IL17B: variants seen among roughly 807,000 people sequenced by gnomAD.
The protein encoded by IL17B is interleukin-17B.
IL17B carries 14 observed loss-of-function variants against 14.7 expected under a neutral mutation model. The observed-to-expected ratio is 0.95, with a 90% CI of 0.63 to 1.49. The LOEUF is 1.49. IL17B is among the 40% of genes most tolerant of loss of function. The pLI is 0.00. For synonymous variants in IL17B, 105 were observed against 94.8 expected (o/e 1.11, Z -0.62); for missense variants, 233 against 252.8 (o/e 0.92, Z 0.53).
intron 1 of IL17B, among the ~76,000 whole-genome samples, chr5:149,396,166 C>T (rs10072615): frequency 0.36 from 54,266 of 152,090 alleles, 10,071 homozygotes; most frequent in African/African-American, 0.45. Context: ...CCAAATCTGT[C>T]AGTATGGTTT....
At chr5:149,385,226 A>G (rs1190389183) in intron 1 of IL17B, among the ~76,000 whole-genome samples, 1 of 151,926 alleles carries the variant, frequency 6.6e-6, no homozygotes, top group African/African-American at 2.4e-5. Flanking sequence ...GTGGTGGCGC[A>G]TGCCTGTAAT....
chr5:149,379,098 G>T, intron 1 of IL17B, 107 bp downstream of exon 1: 1 of 1,381,206 alleles, frequency 7.2e-7, no homozygotes, highest in Non-Finnish European at 1.0e-6. Flanking sequence ...AGTTGCCTCT[G>T]CAGATTCTAA....
Position 149,374,313 on chromosome 5 carries a change from C to CAA in IL17B, c.*54_*55dup. 1 of 1,454,676 alleles carries CAA rather than the reference C, an allele frequency of 6.9e-7. No individual in the cohort carries two copies. The highest frequency in any genetic ancestry group is 9.2e-7 in the Non-Finnish European group (1 of 1,091,464). 90.1% of individuals were successfully genotyped at this position (1,454,676 alleles called of 1,614,324 possible). A position where few individuals can be genotyped will look rare whatever the true frequency, so the allele number is the denominator to read the frequency against. ...TACTTTTCATAGGCCTTTCTTGGCA[C>CAA]AAAGGTGCAAGGAGGATGGTCTCGG... is the stretch of plus-strand genomic sequence containing the variant. On this transcript the variant is annotated 3_prime_UTR_variant, in exon 3 of 3. Coordinates refer to ENST00000261796, the MANE Select transcript of IL17B (RefSeq NM_014443.3). This position sits in a 1 kb window ranked among gnomAD's most constrained non-coding sequence, Gnocchi z 5.0.
At chr5:149,396,856 G>A (rs1257213689) in intron 1 of IL17B, among the ~76,000 whole-genome samples, 2 of 152,174 alleles carry the variant, frequency 1.3e-5, no homozygotes, top group Non-Finnish European at 2.9e-5. Context: ...AAGTGCCTTT[G>A]GTTCAGAAGG....
At chr5:149,400,207 T>C (rs1419278174) in intron 1 of IL17B, among the ~76,000 whole-genome samples, 1 of 152,024 alleles carries the variant, frequency 6.6e-6, no homozygotes, top group Non-Finnish European at 1.5e-5. Flanking sequence ...CAATATGACT[T>C]ATAAAAAGAG....
chr5:149,374,412 G>A lies in IL17B; in HGVS notation c.500C>T (p.Ala167Val). The change falls in exon 3 of 3, where the codon GCA becomes GTA. Residue 167 changes from alanine to valine, a missense_variant. By Grantham distance (64) the Ala-to-Val change is moderately conservative. Transcript: ENST00000261796. This position sits in a 1 kb window ranked among gnomAD's most constrained non-coding sequence, Gnocchi z 5.0. ...PPRTGPCRQR[A>V]VMETIAVGCT... ...GCCCACAGCGATGGTCTCCATGACT[G>A]CGCGCTGGCGGCAAGGCCCTGTGCG... The A allele has an allele frequency of 4.4e-6, 7 of 1,602,824 alleles. No individual in the cohort carries two copies. Among genetic ancestry groups the A allele is most frequent in the Non-Finnish European group, 5.9e-6 (7 of 1,177,180 alleles).
At chr5:149,394,587 A>G (rs552232032) in intron 1 of IL17B, among the ~76,000 whole-genome samples, 17 of 152,368 alleles carry the variant, frequency 1.1e-4, no homozygotes, top group African/African-American at 3.6e-4. Context: ...ACATAATTCC[A>G]GTATTGGAAA....
At position 149,394,008 on chromosome 5, in the gene IL17B, T is replaced by C. The variant is rs138187482; in HGVS notation, n.95+10100A>G. Among the ~76,000 whole-genome samples the C allele has an allele frequency of 2.2e-3, 334 of 152,310 alleles. 1 individual carries two copies. Among genetic ancestry groups the C allele is most frequent in the Admixed American group, 3.8e-3 (58 of 15,298 alleles). Reference sequence around the variant, plus strand: ...GAATTCTGAAAAAATCATTTTAAAATTCGTTAAAAGACATTTATTTATAGA... The same window carrying C: ...GAATTCTGAAAAAATCATTTTAAAACTCGTTAAAAGACATTTATTTATAGA... On this transcript the variant is annotated intron_variant and non_coding_transcript_variant, in intron 1 of 2. Transcript: ENST00000505432.
Position 149,377,110 on chromosome 5 carries a change from G to A in IL17B, c.22-85C>T, listed in dbSNP as rs1305457784. 2.6e-6 allele frequency: 3 copies of A among 1,147,666 alleles called. No individual in the cohort carries two copies. The East Asian group carries it at 7.6e-5, about 29-fold the overall frequency. The allele number at this position is 1,147,666 out of a possible 1,614,324, so 71.1% of individuals were successfully genotyped here. A position where few individuals can be genotyped will look rare whatever the true frequency, so the allele number is the denominator to read the frequency against. On this transcript the variant is annotated intron_variant, in intron 1 of 2. Coordinates refer to ENST00000261796, the MANE Select transcript of IL17B (RefSeq NM_014443.3). ...TTGGGGTCCATGGTCCTTTCCCATT[G>A]CTCTTAGGGGTCTCCCAGGCTCAGG...
At chr5:149,375,647 G>A (rs1019994925) in intron 2 of IL17B, among the ~76,000 whole-genome samples, 1 of 152,138 alleles carries the variant, frequency 6.6e-6, no homozygotes, top group Non-Finnish European at 1.5e-5. Flanking sequence ...AGCACTTTGC[G>A]AGGCCAAGGC....
chr5:149,381,641 T>A (rs1758701375), upstream of IL17B, among the ~76,000 whole-genome samples: 1 of 152,104 alleles, frequency 6.6e-6, no homozygotes, highest in Non-Finnish European at 1.5e-5. Context: ...AGCTTTGGGG[T>A]CCCCTGGCAG....
At chr5:149,377,233 C>T (rs755343284) in intron 1 of IL17B, among the ~76,000 whole-genome samples, 10 of 152,166 alleles carry the variant, frequency 6.6e-5, no homozygotes, top group Non-Finnish European at 1.3e-4. Flanking sequence ...CTCAGTCTTA[C>T]ACTCAGCATG....
chr5:149,396,724 T>C (rs1759098919), intron 1 of IL17B, among the ~76,000 whole-genome samples: 1 of 152,034 alleles, frequency 6.6e-6, no homozygotes, highest in Non-Finnish European at 1.5e-5. Flanking sequence ...GATCGCACCA[T>C]TGCACTCCAA....
chr5:149,392,963 T>C (rs3887042), intron 1 of IL17B, among the ~76,000 whole-genome samples: 50,566 of 138,684 alleles, frequency 0.36, 8,852 homozygotes, highest in African/African-American at 0.45. Context: ...TGTGTGCGTG[T>C]GTGTGCGCGC....
chr5:149,376,249 A>G (rs1449039161), intron 2 of IL17B, among the ~76,000 whole-genome samples: 1 of 152,350 alleles, frequency 6.6e-6, no homozygotes, highest in Admixed American at 6.5e-5. Context: ...ACGTGGAGCT[A>G]TAAGAAATAG....
rs1485809372 is a variant in IL17B at position 149,376,676 on chromosome 5, C to T, written c.311+60G>A. 3 of 1,536,480 alleles carry T rather than the reference C, an allele frequency of 2.0e-6. No individual in the cohort carries two copies. In the African/African-American group the frequency reaches 4.1e-5, roughly 21 times the overall value. ...TCTGAGATCTTAACCATTACAATGA[C>T]TGGGGCACAGGAAAGGTCCCCACCC... On this transcript the variant is annotated intron_variant, in intron 2 of 2. Transcript: ENST00000261796.
chr5:149,385,129 G>C (rs957726750), intron 1 of IL17B, among the ~76,000 whole-genome samples: 22 of 151,748 alleles, frequency 1.4e-4, no homozygotes, highest in African/African-American at 4.6e-4. Context: ...GGACAGGCTG[G>C]TCTTAAATTC....
chr5:149,385,113 C>A (rs1758797043), intron 1 of IL17B, among the ~76,000 whole-genome samples: 1 of 151,804 alleles, frequency 6.6e-6, no homozygotes, highest in Non-Finnish European at 1.5e-5. Context: ...AGGGTTTCAC[C>A]ATGTTGGACA....
At chr5:149,403,884 G>C (rs1759261671) in intron 1 of IL17B, among the ~76,000 whole-genome samples, 1 of 152,126 alleles carries the variant, frequency 6.6e-6, no homozygotes, top group Admixed American at 6.5e-5. Flanking sequence ...TCTTCCTAAA[G>C]GTTCCAACTG....
Sources: gnomAD v4.1 joint callset for allele counts (sites outside exome capture counted in the v4.1 genomes callset) on GRCh38, gnomAD v4.1.1 for gene constraint, Gnocchi (gnomAD v3.1) non-coding constraint, MANE v1.5 for transcripts, NCBI Gene and HGNC (gene_info 2026-07-23, HGNC 2026-07-21) for gene names.